The following RUNDC3B variants were observed in gnomAD, a reference collection of about 807,000 sequenced individuals.
The protein encoded by RUNDC3B is RUN domain-containing protein 3B.
Under a neutral mutation model 58.4 loss-of-function variants are expected in RUNDC3B, and 33 were observed. That is an observed-to-expected ratio of 0.56 (90% CI 0.43 to 0.75). RUNDC3B has a LOEUF of 0.75. RUNDC3B is among the 30% of genes least tolerant of loss of function. RUNDC3B has a pLI of 0.00. For synonymous variants in RUNDC3B, 193 were observed against 195.2 expected, an observed-to-expected ratio of 0.99 and a Z score of 0.10; for missense variants, 501 against 535.7, an observed-to-expected ratio of 0.94 and a Z score of 0.64.
intron 9 of RUNDC3B, among the ~76,000 whole-genome samples, chr7:87,810,388 G>A (rs1190091300): frequency 6.6e-6 from 1 of 152,144 alleles, no homozygotes; most frequent in African/African-American, 2.4e-5. Context: ...TGCTGCCTAG[G>A]ATTAGCTGAA....
intron 6 of RUNDC3B, among the ~76,000 whole-genome samples, chr7:87,760,978 T>C (rs1833646012): frequency 6.6e-6 from 1 of 151,926 alleles, no homozygotes; most frequent in African/African-American, 2.4e-5. Flanking sequence ...ATAGATAAAT[T>C]GGACTTCATC....
rs1046716422 is a variant in RUNDC3B at position 87,832,028 on chromosome 7, C to T, written c.*1998C>T. On this transcript the variant is annotated 3_prime_UTR_variant, in exon 11 of 11. Transcript: ENST00000394654. Reference sequence around the variant, plus strand: ...ACATCTGAGGATCATGACTTTTCCTCCTTTCTTGGAGATCTTGGTATAAAA... The same window carrying T: ...ACATCTGAGGATCATGACTTTTCCTTCTTTCTTGGAGATCTTGGTATAAAA... The T allele has an allele frequency of 1.3e-5, 2 of 151,876 alleles. No individual in the cohort carries two copies. The highest frequency in any genetic ancestry group is 4.8e-5 in the African/African-American group (2 of 41,406). The allele number at this position is 151,876 out of a possible 1,614,324, so 9.4% of individuals were successfully genotyped here. A position where few individuals can be genotyped will look rare whatever the true frequency, so the allele number is the denominator to read the frequency against.
chr7:87,632,136 T>C (rs1821285883), intron 1 of RUNDC3B, among the ~76,000 whole-genome samples: 1 of 151,778 alleles, frequency 6.6e-6, no homozygotes, highest in African/African-American at 2.4e-5. Flanking sequence ...GTCACCAGCA[T>C]ATATCATTCT....
chr7:87,651,017 G>A, intron 2 of RUNDC3B, 80 bp downstream of exon 2: 3 of 789,114 alleles, frequency 3.8e-6, no homozygotes, highest in Non-Finnish European at 6.3e-6. Flanking sequence ...CATACAGTCT[G>A]TGTGACTTAG....
chr7:87,678,166 A>G (rs1826567406), intron 2 of RUNDC3B, among the ~76,000 whole-genome samples: 1 of 152,200 alleles, frequency 6.6e-6, no homozygotes, highest in African/African-American at 2.4e-5. Flanking sequence ...TCCTCTATTA[A>G]GGTCTTTCAA....
At chr7:87,713,710 G>A (rs1325721405) in intron 4 of RUNDC3B, among the ~76,000 whole-genome samples, 1 of 150,190 alleles carries the variant, frequency 6.7e-6, no homozygotes, top group African/African-American at 2.4e-5. Flanking sequence ...CTTCAAATGA[G>A]AAGTGAAGTA....
chr7:87,757,078 C>CT (rs1214078178), intron 6 of RUNDC3B, among the ~76,000 whole-genome samples: 1 of 152,126 alleles, frequency 6.6e-6, no homozygotes, highest in Non-Finnish European at 1.5e-5. Flanking sequence ...AATCACCACT[C>CT]TAAGTATAGA....
At chr7:87,711,517 A>G (rs1384577242) in intron 4 of RUNDC3B, among the ~76,000 whole-genome samples, 1 of 152,090 alleles carries the variant, frequency 6.6e-6, no homozygotes, top group African/African-American at 2.4e-5. Flanking sequence ...ATATTAGGAC[A>G]ACAGTCATTC....
At chr7:87,806,532 A>G (rs545342771) in intron 8 of RUNDC3B, among the ~76,000 whole-genome samples, 125 of 152,304 alleles carry the variant, frequency 8.2e-4, no homozygotes, top group African/African-American at 3.0e-3. Context: ...AGGTAGAGTA[A>G]GACCTTTGCT....
chr7:87,794,069 G>A (rs1410313787), intron 8 of RUNDC3B, among the ~76,000 whole-genome samples: 2 of 152,098 alleles, frequency 1.3e-5, no homozygotes, highest in Non-Finnish European at 2.9e-5. Flanking sequence ...ATAAAGAAAT[G>A]TAATCCCATT....
At chr7:87,800,653 C>CA (rs1554494660) in intron 8 of RUNDC3B, among the ~76,000 whole-genome samples, 119 of 137,588 alleles carry the variant, frequency 8.6e-4, no homozygotes, top group African/African-American at 3.1e-3. Context: ...CTTTTCTTTT[C>CA]TTTTTTTTTT....
At chr7:87,745,342 A>G (rs543350040) in intron 6 of RUNDC3B, among the ~76,000 whole-genome samples, 10 of 152,178 alleles carry the variant, frequency 6.6e-5, no homozygotes, top group African/African-American at 2.4e-4. Flanking sequence ...AGAATGTATT[A>G]GGGAAGGTTC....
At chr7:87,823,823 C>CACACACAT (rs1554499524) in intron 10 of RUNDC3B, among the ~76,000 whole-genome samples, 3 of 146,894 alleles carry the variant, frequency 2.0e-5, no homozygotes, top group East Asian at 2.0e-4. Flanking sequence ...CACACACACA[C>CACACACAT]ATATATATAT....
chr7:87,688,208 G>A (rs773920152), intron 2 of RUNDC3B, among the ~76,000 whole-genome samples: 1 of 152,002 alleles, frequency 6.6e-6, no homozygotes, highest in African/African-American at 2.4e-5. Flanking sequence ...TGTAATTCTC[G>A]AAGCATCCGG....
chr7:87,785,777 C>T lies in RUNDC3B; in HGVS notation c.956+7822C>T, dbSNP rs115004799. ...GATGGGAACCTATGGTTGCCTTTTG[C>T]TGTAGCTGTCTCATGTTCCATGAAC... On this transcript the variant is annotated intron_variant, in intron 8 of 10. Transcript: ENST00000394654. Among the ~76,000 whole-genome samples, 718 of 152,310 alleles carry T rather than the reference C, an allele frequency of 4.7e-3. 1 individual carries two copies. Among genetic ancestry groups the T allele is most frequent in the African/African-American group, 0.016 (678 of 41,554 alleles).
At chr7:87,687,406 C>G (rs1459045753) in intron 2 of RUNDC3B, among the ~76,000 whole-genome samples, 4 of 152,140 alleles carry the variant, frequency 2.6e-5, no homozygotes, top group Admixed American at 2.6e-4. Context: ...CACCTCCCCT[C>G]CTTTCAACCT....
intron 6 of RUNDC3B, among the ~76,000 whole-genome samples, chr7:87,759,673 C>T (rs1361391109): frequency 1.3e-5 from 2 of 151,846 alleles, no homozygotes; most frequent in African/African-American, 2.4e-5. Flanking sequence ...TGGTGTTTTC[C>T]TGTAGTCCTA....
At position 87,805,103 on chromosome 7, in the gene RUNDC3B, A is replaced by C. The variant is rs549304197; in HGVS notation, c.957-2270A>C. Among the ~76,000 whole-genome samples, 60 of 152,270 alleles carry C rather than the reference A, an allele frequency of 3.9e-4. 1 individual carries two copies. Among genetic ancestry groups the C allele is most frequent in the Middle Eastern group, 3.4e-3 (1 of 294 alleles). ...GGCTTAGAAAGAAGGAGACTGAGCT[A>C]CCCCAGAGGGCTGGAAGCAGGAACT... On this transcript the variant is annotated intron_variant, in intron 8 of 10. Coordinates refer to ENST00000394654, the MANE Select transcript of RUNDC3B (RefSeq NM_001134405.2).
chr7:87,687,189 T>TC (rs1192596057), intron 2 of RUNDC3B, among the ~76,000 whole-genome samples: 1 of 152,156 alleles, frequency 6.6e-6, no homozygotes, highest in Non-Finnish European at 1.5e-5. Flanking sequence ...AGCTAGTTTT[T>TC]CCCCCACAAC....
Sources: gnomAD v4.1 joint callset for allele counts (sites outside exome capture counted in the v4.1 genomes callset) on GRCh38, gnomAD v4.1.1 for gene constraint, MANE v1.5 for transcripts, NCBI Gene and HGNC (gene_info 2026-07-23, HGNC 2026-07-21) for gene names.